TAOK1: variants seen among roughly 807,000 people sequenced by gnomAD.
TAOK1 encodes the protein TAO kinase 1.
A neutral mutation model predicts 138.3 loss-of-function variants in TAOK1; 21 were observed. The ratio of observed to expected loss-of-function variants is 0.15; its 90% CI spans 0.11 to 0.22. The LOEUF (loss-of-function observed/expected upper bound fraction) is 0.22, where lower values mean the gene tolerates loss of function less well. Among genes scored for constraint, TAOK1 ranks in the 10% least tolerant of loss-of-function variants. The pLI, the probability that TAOK1 is intolerant of heterozygous loss-of-function variation, is 1.00. For missense variants in TAOK1, 651 were observed against 1,227.7 expected, an observed-to-expected ratio of 0.53 and a Z score of 7.02; for synonymous variants, 361 against 398.4, an observed-to-expected ratio of 0.91 and a Z score of 1.12.
chr17:29,502,746 G>C (rs893489076), intron 13 of TAOK1, 23 bp downstream of exon 13: 2 of 1,598,864 alleles, frequency 1.3e-6, no homozygotes, highest in East Asian at 4.5e-5. Context: ...CCGAATTAGA[G>C]ATAAATATAT....
rs1162546736 is a variant in TAOK1, at chr17:29,390,573, G to C, written c.-546G>C. The C allele has an allele frequency of 6.6e-6, 1 of 151,944 alleles. No individual in the cohort carries two copies. The highest frequency in any genetic ancestry group is 2.4e-5 in the African/African-American group (1 of 41,246). The allele number at this position is 151,944 out of a possible 1,614,324, so 9.4% of individuals were successfully genotyped here. On this transcript the variant is annotated 5_prime_UTR_variant, in exon 1 of 20. Coordinates refer to ENST00000261716, the MANE Select transcript of TAOK1 (RefSeq NM_020791.4). Reference sequence around the variant, plus strand: ...CCCCGCCGTCCGCCGGCCGGCCCGCGGCCTCTCTTCCCTTTGTGAGCGCCT... The same window carrying C: ...CCCCGCCGTCCGCCGGCCGGCCCGCCGCCTCTCTTCCCTTTGTGAGCGCCT...
At chr17:29,513,127 TC>T (rs1401114281) in intron 15 of TAOK1, 3 of 135,698 alleles carry the variant, frequency 2.2e-5, no homozygotes, top group African/African-American at 8.2e-5. Flanking sequence ...CTGTGATACA[TC>T]GATTGATTTT....
intron 1 of TAOK1, among the ~76,000 whole-genome samples, chr17:29,437,921 A>G (rs1237681920): frequency 2.0e-5 from 3 of 152,094 alleles, no homozygotes; most frequent in Middle Eastern, 3.4e-3. Context: ...TTTATTAGAC[A>G]TGGAGTTTCA....
intron 1 of TAOK1, among the ~76,000 whole-genome samples, chr17:29,444,224 A>G (rs746203127): frequency 6.6e-6 from 1 of 152,052 alleles, no homozygotes; most frequent in Non-Finnish European, 1.5e-5. Context: ...GGAGTCTAGG[A>G]TTGCTGTGAA....
intron 1 of TAOK1, among the ~76,000 whole-genome samples, chr17:29,413,810 T>TTTGGA (rs1905200848): frequency 6.6e-6 from 1 of 152,066 alleles, no homozygotes; most frequent in Admixed American, 6.6e-5. Flanking sequence ...TGTCTATGGA[T>TTTGGA]TTGGATTTGC....
Position 29,457,513 on chromosome 17 carries a change from C to G in TAOK1, c.132+5833C>G, listed in dbSNP as rs1221818230. 4.1e-5 allele frequency among the ~76,000 whole-genome samples: 6 copies of G among 145,624 alleles called. No homozygotes were observed. In the East Asian group the frequency reaches 1.3e-3, roughly 31 times the overall value. On this transcript the variant is annotated intron_variant, in intron 2 of 19. Coordinates refer to ENST00000261716, the MANE Select transcript of TAOK1 (RefSeq NM_020791.4). ...CTCCACATCCTGGATTCAAGTGATT[C>G]TCCCACCTCAGCCTCCTGAGTAGCT...
At chr17:29,391,153 T>G (rs1302114004) in intron 1 of TAOK1, 129 bp downstream of exon 1, 1 of 152,454 alleles carries the variant, frequency 6.6e-6, no homozygotes, top group Non-Finnish European at 1.5e-5. Context: ...GGGTCTGTGA[T>G]TCTGTGGGTG....
At chr17:29,539,224 C>T (rs2032273451) in intron 19 of TAOK1, among the ~76,000 whole-genome samples, 1 of 152,184 alleles carries the variant, frequency 6.6e-6, no homozygotes, top group African/African-American at 2.4e-5. Flanking sequence ...GATTGCACCA[C>T]TGCACTCCAG....
chr17:29,458,129 A>G (rs906132217), intron 2 of TAOK1, among the ~76,000 whole-genome samples: 8 of 151,674 alleles, frequency 5.3e-5, no homozygotes, highest in African/African-American at 1.9e-4. Flanking sequence ...AAAATTAACC[A>G]TAACACTGTT....
Position 29,397,621 on chromosome 17 carries a change from T to A in TAOK1, c.-95+6597T>A, listed in dbSNP as rs1464263851. Among the ~76,000 whole-genome samples, 31 of 61,042 alleles carry A rather than the reference T, an allele frequency of 5.1e-4. 1 individual carries two copies. Among genetic ancestry groups the A allele is most frequent in the African/African-American group, 3.3e-3 (29 of 8,700 alleles). The allele number at this position is 61,042 out of a possible 152,430, so 40.0% of individuals were successfully genotyped here. A position where few individuals can be genotyped will look rare whatever the true frequency, so the allele number is the denominator to read the frequency against. On this transcript the variant is annotated intron_variant, in intron 1 of 19. Coordinates refer to ENST00000261716, the MANE Select transcript of TAOK1 (RefSeq NM_020791.4). ...CCGTCCCCCCCCAAAAAAATATATA[T>A]ATATATATACATGTATACATGTATA...
chr17:29,465,128 ATTTTTTTTTTTTTT>A (rs57794003), intron 2 of TAOK1, among the ~76,000 whole-genome samples: 1 of 63,100 alleles, frequency 1.6e-5, no homozygotes, highest in African/African-American at 6.8e-5. Context: ...GTCTTATTTA[ATTTTTTTTTTTTTT>A]TTTTTTTTTT....
intron 1 of TAOK1, among the ~76,000 whole-genome samples, chr17:29,443,246 C>T (rs2029992083): frequency 6.6e-6 from 1 of 152,176 alleles, no homozygotes; most frequent in Non-Finnish European, 1.5e-5. Flanking sequence ...AGATGGAATA[C>T]TATGACATTA....
chr17:29,465,240 G>A (rs1201515022), intron 2 of TAOK1, among the ~76,000 whole-genome samples: 2 of 132,826 alleles, frequency 1.5e-5, no homozygotes, highest in Non-Finnish European at 3.0e-5. Flanking sequence ...TGCAACCTCT[G>A]CCTGCCATGT....
intron 1 of TAOK1, among the ~76,000 whole-genome samples, chr17:29,438,213 A>C (rs1008132325): frequency 6.6e-6 from 1 of 152,244 alleles, no homozygotes; most frequent in African/African-American, 2.4e-5. Flanking sequence ...TTATTTTTCG[A>C]ATGTTCCAAT....
At chr17:29,412,026 T>C (rs757349003) in intron 1 of TAOK1, among the ~76,000 whole-genome samples, 13 of 151,078 alleles carry the variant, frequency 8.6e-5, no homozygotes, top group Non-Finnish European at 1.3e-4. Context: ...CCTTCCTTCC[T>C]CTCTCTCTCT....
chr17:29,400,904 C>CTT (rs10539936), intron 1 of TAOK1, among the ~76,000 whole-genome samples: 226 of 105,144 alleles, frequency 2.1e-3, no homozygotes, highest in Non-Finnish European at 3.0e-3. Flanking sequence ...TTGTTTGCCT[C>CTT]TTTTTTTTTT....
chr17:29,434,982 C>T (rs913264237), intron 1 of TAOK1, among the ~76,000 whole-genome samples: 1 of 152,190 alleles, frequency 6.6e-6, no homozygotes, highest in Non-Finnish European at 1.5e-5. Context: ...GTGACACACC[C>T]AGATAACTGG....
chr17:29,456,832 C>CA (rs1254186235), intron 2 of TAOK1, among the ~76,000 whole-genome samples: 1 of 150,120 alleles, frequency 6.7e-6, no homozygotes, highest in African/African-American at 2.5e-5. Context: ...CTCCCGGGTT[C>CA]ACTCCATTCT....
At chr17:29,518,743 AT>A (rs896683637) in intron 16 of TAOK1, among the ~76,000 whole-genome samples, 1 of 75,132 alleles carries the variant, frequency 1.3e-5, no homozygotes, top group Non-Finnish European at 3.1e-5. Flanking sequence ...TTTATTTTTT[AT>A]TTTTACTTTA....
Sources: gnomAD v4.1 joint callset for allele counts (sites outside exome capture counted in the v4.1 genomes callset) on GRCh38, gnomAD v4.1.1 for gene constraint, MANE v1.5 for transcripts, NCBI Gene and HGNC (gene_info 2026-07-23, HGNC 2026-07-21) for gene names.